The following SHC4 variants were observed in gnomAD, a reference collection of about 807,000 sequenced individuals.
SHC4 encodes SHC-transforming protein 4.
SHC4 carries 41 observed loss-of-function variants against 69.4 expected under a neutral mutation model. The observed-to-expected ratio is 0.59, with a 90% CI of 0.46 to 0.77. The LOEUF is 0.77. Ranked by LOEUF, SHC4 falls within the 30% of genes least tolerant of loss-of-function variation. The pLI, the probability that SHC4 is intolerant of heterozygous loss-of-function variation, is 0.00. For missense variants in SHC4, 777 were observed against 783.8 expected (o/e 0.99, Z 0.10); for synonymous variants, 318 against 299.3 (o/e 1.06, Z -0.64).
At chr15:48,846,346 T>C (rs1277205641) in intron 9 of SHC4, among the ~76,000 whole-genome samples, 1 of 152,178 alleles carries the variant, frequency 6.6e-6, no homozygotes, top group African/African-American at 2.4e-5. Flanking sequence ...GGTGAGACAC[T>C]TGAGCATAGT....
intron 4 of SHC4, among the ~76,000 whole-genome samples, chr15:48,873,526 T>C (rs1252224621): frequency 1.3e-5 from 2 of 152,166 alleles, no homozygotes; most frequent in Non-Finnish European, 2.9e-5. Context: ...GGGCGGATCA[T>C]GAGGTCAGGA....
intron 10 of SHC4, among the ~76,000 whole-genome samples, chr15:48,837,187 T>C (rs1171699936): frequency 1.3e-5 from 2 of 152,220 alleles, no homozygotes; most frequent in South Asian, 2.1e-4. Context: ...AGAGACATTA[T>C]ATCATCTTGA....
At chr15:48,858,590 C>A (rs1160536540) in intron 6 of SHC4, among the ~76,000 whole-genome samples, 5 of 152,202 alleles carry the variant, frequency 3.3e-5, no homozygotes, top group African/African-American at 1.2e-4. Context: ...TCTGCTGCTG[C>A]CACTGAAAGG....
At chr15:48,909,841 G>A (rs1329338098) in intron 2 of SHC4, among the ~76,000 whole-genome samples, 1 of 152,050 alleles carries the variant, frequency 6.6e-6, no homozygotes, top group South Asian at 2.1e-4. Context: ...AATTTTATTT[G>A]TGTGGTGTAT....
intron 11 of SHC4, among the ~76,000 whole-genome samples, chr15:48,828,449 C>T (rs1471608702): frequency 6.6e-6 from 1 of 152,102 alleles, no homozygotes; most frequent in Non-Finnish European, 1.5e-5. Flanking sequence ...GTGAATAATG[C>T]TGCAATAAAC....
Position 48,963,006 on chromosome 15 carries a change from G to T in SHC4, c.10C>A (p.Arg4Ser), listed in dbSNP as rs1439232930. 1.2e-6 allele frequency: 2 copies of T among 1,606,882 alleles called. No homozygotes were observed. The highest frequency in any genetic ancestry group is 4.5e-5 in the East Asian group (2 of 44,752). Residue 4 changes from arginine (R) to serine (S), a missense_variant, in exon 1 of 12, where the codon CGC becomes AGC. By Grantham distance (110) the Arg-to-Ser change is moderately radical. Transcript: ENST00000332408. MRE[R>S]GQDSLAGLVL... ...AGTCCTGCCAGGCTGTCCTGGCCGC[G>T]TTCTCGCATAGCCTTGGCAGTGCTG... is the stretch of plus-strand genomic sequence containing the variant.
At chr15:48,881,020 GTGTC>G (rs983328124) in intron 4 of SHC4, among the ~76,000 whole-genome samples, 15 of 142,496 alleles carry the variant, frequency 1.1e-4, no homozygotes, top group African/African-American at 3.8e-4. Context: ...GTGTGTGTGT[GTGTC>G]TTCATTTAAG....
At chr15:48,834,565 G>T (rs1489849026) in intron 11 of SHC4, among the ~76,000 whole-genome samples, 5 of 152,054 alleles carry the variant, frequency 3.3e-5, no homozygotes, top group Non-Finnish European at 7.4e-5. Flanking sequence ...GAAAGAGGCT[G>T]TCCTCTGCTT....
At chr15:48,888,762 G>A (rs1200078426) in intron 3 of SHC4, among the ~76,000 whole-genome samples, 1 of 151,612 alleles carries the variant, frequency 6.6e-6, no homozygotes, top group East Asian at 1.9e-4. Context: ...AGGCATGGTG[G>A]CACATGATTG....
chr15:48,938,382 C>A (rs1398964175), intron 1 of SHC4: 1 of 152,212 alleles, frequency 6.6e-6, no homozygotes. Context: ...GGCAAGCTTT[C>A]TCCTATTCCC....
intron 1 of SHC4, among the ~76,000 whole-genome samples, chr15:48,941,209 G>A (rs892278488): frequency 6.6e-6 from 1 of 152,204 alleles, no homozygotes; most frequent in African/African-American, 2.4e-5. Flanking sequence ...GACAGCAGCA[G>A]TCAAGTGTAC....
At chr15:48,923,985 T>TG (rs1900799669) in intron 2 of SHC4, among the ~76,000 whole-genome samples, 1 of 151,974 alleles carries the variant, frequency 6.6e-6, no homozygotes, top group East Asian at 1.9e-4. Flanking sequence ...TCCTAAAGAG[T>TG]GATGTGGCTC....
chr15:48,875,243 C>A (rs1457763052), intron 4 of SHC4, among the ~76,000 whole-genome samples: 2 of 152,186 alleles, frequency 1.3e-5, no homozygotes, highest in African/African-American at 4.8e-5. Flanking sequence ...ACATGGAGAC[C>A]ACACACCCTG....
chr15:48,830,243 T>A (rs964505953), intron 11 of SHC4, among the ~76,000 whole-genome samples: 3 of 152,234 alleles, frequency 2.0e-5, no homozygotes, highest in African/African-American at 7.2e-5. Context: ...GGGGCTCGCA[T>A]AAAACATAGC....
chr15:48,892,249 A>T (rs1307910994), intron 2 of SHC4, among the ~76,000 whole-genome samples: 2 of 152,188 alleles, frequency 1.3e-5, no homozygotes, highest in East Asian at 3.9e-4. Flanking sequence ...CAGAATTCCC[A>T]AAGATTCTAG....
intron 11 of SHC4, among the ~76,000 whole-genome samples, chr15:48,833,461 T>G (rs1382582167): frequency 3.3e-5 from 5 of 152,104 alleles, no homozygotes; most frequent in Non-Finnish European, 1.5e-5. Flanking sequence ...AGATAACTGG[T>G]TTATCAGGTA....
chr15:48,847,729 G>A (rs367804958), intron 9 of SHC4, among the ~76,000 whole-genome samples: 12 of 152,040 alleles, frequency 7.9e-5, no homozygotes, highest in African/African-American at 2.4e-4. Context: ...TAGGCCAGGC[G>A]TGGTGGGTCA....
intron 1 of SHC4, among the ~76,000 whole-genome samples, chr15:48,939,631 G>T (rs1901138370): frequency 6.6e-6 from 1 of 152,186 alleles, no homozygotes; most frequent in Non-Finnish European, 1.5e-5. Context: ...ACACTATGCT[G>T]AATGTCTGAG....
intron 6 of SHC4, among the ~76,000 whole-genome samples, chr15:48,861,104 C>A (rs1020740701): frequency 1.1e-4 from 17 of 152,184 alleles, no homozygotes; most frequent in African/African-American, 3.9e-4. Flanking sequence ...TTCTGCTTTT[C>A]TTTGGATTAG....
Sources: allele counts gnomAD v4.1 joint callset (sites outside exome capture counted in the v4.1 genomes callset), GRCh38; gene constraint gnomAD v4.1.1; transcripts MANE v1.5; gene names NCBI Gene and HGNC (gene_info 2026-07-23, HGNC 2026-07-21).